PHACTR4: variants seen among roughly 807,000 people sequenced by gnomAD.
The protein encoded by PHACTR4 is phosphatase and actin regulator 4.
In PHACTR4, 51 loss-of-function variants were observed where a neutral mutation model predicts 72.7. The ratio of observed to expected loss-of-function variants is 0.70; its 90% confidence interval spans 0.56 to 0.89. The LOEUF (loss-of-function observed/expected upper bound fraction) is 0.89, where lower values mean the gene tolerates loss of function less well. PHACTR4 is among the 40% of genes least tolerant of loss of function. The pLI, the probability that PHACTR4 is intolerant of heterozygous loss-of-function variation, is 0.00. For synonymous variants in PHACTR4, 255 were observed against 302.5 expected (o/e 0.84, Z 1.63); for missense variants, 731 against 861.8 (o/e 0.85, Z 1.90).
At chr1:28,403,471 G>C (rs1231823638) in intron 1 of PHACTR4, among the ~76,000 whole-genome samples, 2 of 152,132 alleles carry the variant, frequency 1.3e-5, no homozygotes, top group Non-Finnish European at 1.5e-5. Flanking sequence ...CAGCAGTCCT[G>C]TCATTCCTTA....
chr1:28,429,035 A>C (rs1656053430), intron 2 of PHACTR4, among the ~76,000 whole-genome samples: 1 of 152,206 alleles, frequency 6.6e-6, no homozygotes, highest in South Asian at 2.1e-4. Flanking sequence ...AAGGGAGGGA[A>C]CAAGAGTTAC....
intron 9 of PHACTR4, among the ~76,000 whole-genome samples, chr1:28,486,318 T>C (rs1388096386): frequency 6.6e-6 from 1 of 152,074 alleles, no homozygotes; most frequent in African/African-American, 2.4e-5. Flanking sequence ...ATCGGGCCAC[T>C]GCACTCCAGC....
intron 1 of PHACTR4, among the ~76,000 whole-genome samples, chr1:28,391,323 C>T (rs1389540745): frequency 4.7e-5 from 7 of 149,596 alleles, no homozygotes; most frequent in African/African-American, 1.5e-4. Flanking sequence ...GGTGTGAACC[C>T]GGAAGGCAGA....
At chr1:28,384,251 T>A (rs1391134406) in intron 1 of PHACTR4, among the ~76,000 whole-genome samples, 1 of 152,190 alleles carries the variant, frequency 6.6e-6, no homozygotes, top group Non-Finnish European at 1.5e-5. Context: ...CAGCTCTTCT[T>A]GGTACATCTG....
chr1:28,486,837 C>T (rs922170622), intron 9 of PHACTR4, among the ~76,000 whole-genome samples: 12 of 150,780 alleles, frequency 8.0e-5, no homozygotes, highest in Admixed American at 2.0e-4. Flanking sequence ...CCAGCCTGGG[C>T]GACAGAGTGA....
At chr1:28,405,827 G>T (rs1203839769) in intron 1 of PHACTR4, among the ~76,000 whole-genome samples, 3 of 151,802 alleles carry the variant, frequency 2.0e-5, no homozygotes, top group African/African-American at 4.8e-5. Flanking sequence ...GGAGGCAGAG[G>T]TTGCAGTGTG....
intron 2 of PHACTR4, among the ~76,000 whole-genome samples, chr1:28,452,040 A>C (rs540725421): frequency 1.3e-5 from 2 of 152,194 alleles, no homozygotes; most frequent in African/African-American, 4.8e-5. Flanking sequence ...CTTTAGCACA[A>C]TATTTTACTT....
chr1:28,432,267 G>C (rs930090565), intron 2 of PHACTR4, among the ~76,000 whole-genome samples: 10 of 151,146 alleles, frequency 6.6e-5, no homozygotes, highest in African/African-American at 2.4e-4. Context: ...GTGGTAATTA[G>C]AAACAGTTCT....
chr1:28,405,279 C>T (rs961712959), intron 1 of PHACTR4, among the ~76,000 whole-genome samples: 4 of 152,040 alleles, frequency 2.6e-5, no homozygotes, highest in Admixed American at 6.6e-5. Context: ...CTGTGGGTTG[C>T]CTTATCACTT....
intron 4 of PHACTR4, among the ~76,000 whole-genome samples, chr1:28,460,674 A>G (rs1262204247): frequency 6.6e-6 from 1 of 151,948 alleles, no homozygotes. Context: ...ACCCCCAGCT[A>G]ACTTTTGACT....
chr1:28,456,430 A>G (rs1449585691), intron 2 of PHACTR4, among the ~76,000 whole-genome samples: 1 of 152,188 alleles, frequency 6.6e-6, no homozygotes, highest in Non-Finnish European at 1.5e-5. Context: ...CCCCACTTCC[A>G]GTACTGAAGA....
At chr1:28,479,848 G>A (rs984295215) in intron 8 of PHACTR4, among the ~76,000 whole-genome samples, 8 of 152,232 alleles carry the variant, frequency 5.3e-5, no homozygotes, top group African/African-American at 1.2e-4. Context: ...AGCTGAAATC[G>A]TGACACTGCA....
chr1:28,374,673 G>A (rs1416542333), intron 1 of PHACTR4, among the ~76,000 whole-genome samples: 2 of 152,094 alleles, frequency 1.3e-5, no homozygotes, highest in African/African-American at 2.4e-5. Flanking sequence ...CAACAAATAC[G>A]GAAAGTCTGT....
intron 2 of PHACTR4, among the ~76,000 whole-genome samples, chr1:28,441,257 G>T (rs964573267): frequency 2.0e-5 from 3 of 150,304 alleles, no homozygotes; most frequent in Non-Finnish European, 4.4e-5. Context: ...AAATATTTGT[G>T]TGTGTGAAAA....
chr1:28,481,035 A>AT (rs141029069), intron 9 of PHACTR4, among the ~76,000 whole-genome samples: 39,244 of 145,964 alleles, frequency 0.27, 5,221 homozygotes, highest in Middle Eastern at 0.38. Context: ...TTTTAGTGTG[A>AT]TTTTTTTTTC....
At chr1:28,454,371 G>A (rs1460253610) in intron 2 of PHACTR4, among the ~76,000 whole-genome samples, 1 of 149,650 alleles carries the variant, frequency 6.7e-6, no homozygotes, top group Admixed American at 6.7e-5. Context: ...CCACCTCCCG[G>A]GTTCACGCCA....
chr1:28,450,303 T>TTC (rs74930835), intron 2 of PHACTR4, among the ~76,000 whole-genome samples: 162 of 151,874 alleles, frequency 1.1e-3, no homozygotes, highest in Non-Finnish European at 2.0e-3. Context: ...TTTTTTTTTT[T>TTC]CACTCATAGA....
intron 2 of PHACTR4, among the ~76,000 whole-genome samples, chr1:28,430,383 C>A (rs1413684885): frequency 6.6e-6 from 1 of 152,034 alleles, no homozygotes; most frequent in Non-Finnish European, 1.5e-5. Flanking sequence ...GAGAGAAATT[C>A]CTGGCGAAGG....
chr1:28,374,529 TG>T (rs1651493000), intron 1 of PHACTR4, among the ~76,000 whole-genome samples: 1 of 152,000 alleles, frequency 6.6e-6, no homozygotes, highest in Non-Finnish European at 1.5e-5. Flanking sequence ...AATACAATTA[TG>T]TAGTCTAGCC....
Sources: gnomAD v4.1 joint callset for allele counts (sites outside exome capture counted in the v4.1 genomes callset) on GRCh38, gnomAD v4.1.1 for gene constraint, MANE v1.5 for transcripts, NCBI Gene and HGNC (gene_info 2026-07-23, HGNC 2026-07-21) for gene names.